Variants in AGO3 observed in about 807,000 individuals in gnomAD.
AGO3 encodes protein argonaute-3.
AGO3 carries 16 observed loss-of-function variants against 105.5 expected under a neutral mutation model. The observed-to-expected ratio is 0.15, with a 90% CI of 0.10 to 0.23. The LOEUF is 0.23. Ranked by LOEUF, AGO3 falls within the 10% of genes least tolerant of loss-of-function variation. The pLI, the probability that AGO3 is intolerant of heterozygous loss-of-function variation, is 1.00. For synonymous variants in AGO3, 340 were observed against 367.3 expected (o/e 0.93, Z 0.85); for missense variants, 534 against 1,088.0 (o/e 0.49, Z 7.16).
chr1:35,989,197 G>T (rs1647385065), intron 5 of AGO3, among the ~76,000 whole-genome samples: 1 of 152,188 alleles, frequency 6.6e-6, no homozygotes, highest in South Asian at 2.1e-4. Context: ...AGGCGAAATT[G>T]GTGATGGAAA....
intron 11 of AGO3, among the ~76,000 whole-genome samples, chr1:36,023,694 T>C (rs1221916554): frequency 6.6e-6 from 1 of 152,232 alleles, no homozygotes; most frequent in Non-Finnish European, 1.5e-5. Flanking sequence ...CCATTCACTA[T>C]GTACAGAGAA....
rs1370088026 is a variant in AGO3 at position 36,072,323 on chromosome 1, G to A, written c.*16578G>A. 6.6e-6 allele frequency: 1 copy of A among 152,198 alleles called. No individual in the cohort carries two copies. The highest frequency in any genetic ancestry group is 1.5e-5 in the Non-Finnish European group (1 of 68,026). The allele number at this position is 152,198 out of a possible 1,614,324, so 9.4% of individuals were successfully genotyped here. On this transcript the variant is annotated 3_prime_UTR_variant, in exon 19 of 19. Coordinates refer to ENST00000373191, the MANE Select transcript of AGO3 (RefSeq NM_024852.4). ...TTTCTGAGCCAAACTGTCACGAAAT[G>A]TTCTGTGACAGAACCACTACTCTTT...
At chr1:36,025,487 G>T (rs1465210458) in intron 11 of AGO3, among the ~76,000 whole-genome samples, 1 of 150,016 alleles carries the variant, frequency 6.7e-6, no homozygotes, top group Non-Finnish European at 1.5e-5. Flanking sequence ...TTTGTTATTC[G>T]CAGCTTGAAT....
At chr1:35,999,306 C>T (rs1394335209) in intron 5 of AGO3, among the ~76,000 whole-genome samples, 3 of 152,116 alleles carry the variant, frequency 2.0e-5, no homozygotes, top group Non-Finnish European at 2.9e-5. Context: ...CGCCACTGCA[C>T]TCCAGCAGCC....
At chr1:36,035,862 C>T (rs1026153542) in intron 13 of AGO3, among the ~76,000 whole-genome samples, 10 of 152,004 alleles carry the variant, frequency 6.6e-5, no homozygotes, top group Admixed American at 2.0e-4. Context: ...GAAACCCCAT[C>T]TCTACTAAAA....
intron 13 of AGO3, among the ~76,000 whole-genome samples, chr1:36,034,842 A>T (rs901176103): frequency 1.3e-5 from 2 of 152,208 alleles, no homozygotes; most frequent in Non-Finnish European, 2.9e-5. Flanking sequence ...TAAGTAAGCC[A>T]TATCAGCCTT....
chr1:35,944,745 C>T (rs1557643925), intron 1 of AGO3, among the ~76,000 whole-genome samples: 1 of 151,970 alleles, frequency 6.6e-6, no homozygotes, highest in Non-Finnish European at 1.5e-5. Flanking sequence ...CTCAGGTGAT[C>T]TGCCCGCTTT....
chr1:36,027,778 C>CA lies in AGO3; in HGVS notation c.1591+495dup, dbSNP rs529893386. Among the ~76,000 whole-genome samples, 447 of 66,434 alleles carry CA rather than the reference C, an allele frequency of 6.7e-3. 2 individuals carry two copies. The highest frequency in any genetic ancestry group is 7.8e-3 in the Admixed American group (44 of 5,672). The allele number at this position is 66,434 out of a possible 152,430, so 43.6% of individuals were successfully genotyped here. On this transcript the variant is annotated intron_variant, in intron 12 of 18. Coordinates refer to ENST00000373191, the MANE Select transcript of AGO3 (RefSeq NM_024852.4). This position sits in a 1 kb window ranked among gnomAD's most constrained non-coding sequence, Gnocchi z 4.0. ...TGGGCGACAGAGCGAAAGTCCGTCTCAAAAAAAAAAAAAAAGGGTTTCAGT... is the reference window on the plus strand; with the variant it reads ...TGGGCGACAGAGCGAAAGTCCGTCTCAAAAAAAAAAAAAAAAGGGTTTCAGT...
chr1:35,957,112 G>A (rs892089018), intron 2 of AGO3, among the ~76,000 whole-genome samples: 1 of 152,066 alleles, frequency 6.6e-6, no homozygotes, highest in Admixed American at 6.6e-5. Flanking sequence ...CCCTTTGGGA[G>A]GCCAAGGTGG....
At chr1:36,016,780 A>T (rs1041047036) in intron 11 of AGO3, among the ~76,000 whole-genome samples, 3 of 152,180 alleles carry the variant, frequency 2.0e-5, no homozygotes, top group Non-Finnish European at 2.9e-5. Context: ...TCCTGTTTTC[A>T]GGAGAAAAAC....
chr1:36,055,204 T>C lies in AGO3; in HGVS notation c.2474+59T>C. On this transcript the variant is annotated intron_variant, in intron 18 of 18. Coordinates refer to ENST00000373191, the MANE Select transcript of AGO3 (RefSeq NM_024852.4). The surrounding 1 kb of genome is among the most constrained non-coding windows in gnomAD (Gnocchi z 4.4). ...TCCCAATATTGTCTGCATGGTAGGA[T>C]TTTCAAGTTCCACAAGCTATTAGCG... 1 of 1,523,540 alleles carries C rather than the reference T, an allele frequency of 6.6e-7. No homozygotes were observed. Among genetic ancestry groups the C allele is most frequent in the Admixed American group, 2.0e-5 (1 of 50,880 alleles). 94.4% of individuals were successfully genotyped at this position (1,523,540 alleles called of 1,614,324 possible).
At chr1:36,022,933 CAAAAAAAAAAACA>C (rs767512528) in intron 11 of AGO3, among the ~76,000 whole-genome samples, 5 of 25,362 alleles carry the variant, frequency 2.0e-4, no homozygotes, top group African/African-American at 3.0e-4. Context: ...AAAAAAAAAA[CAAAAAAAAAAACA>C]AAAAAAAAAG....
chr1:35,956,823 T>A (rs1167647828), intron 2 of AGO3, among the ~76,000 whole-genome samples: 2 of 151,694 alleles, frequency 1.3e-5, no homozygotes, highest in African/African-American at 4.8e-5. Flanking sequence ...TTTTTTTGTA[T>A]TTTTAGTAGA....
At chr1:35,955,077 G>C (rs1646540049) in intron 2 of AGO3, among the ~76,000 whole-genome samples, 3 of 152,220 alleles carry the variant, frequency 2.0e-5, no homozygotes, top group Non-Finnish European at 4.4e-5. Context: ...AGTCTGAAGA[G>C]TTAGCTAGGG....
At chr1:35,976,036 A>G (rs1356966099) in intron 5 of AGO3, among the ~76,000 whole-genome samples, 2 of 151,860 alleles carry the variant, frequency 1.3e-5, no homozygotes, top group Non-Finnish European at 2.9e-5. Context: ...CCCAGGTTCA[A>G]GCAATTCTCA....
At chr1:35,955,876 T>G (rs1007376450) in intron 2 of AGO3, among the ~76,000 whole-genome samples, 1 of 152,208 alleles carries the variant, frequency 6.6e-6, no homozygotes, top group Non-Finnish European at 1.5e-5. Flanking sequence ...ATTACAGGCG[T>G]GAGCCACTGT....
chr1:35,973,536 G>A (rs756414637), intron 5 of AGO3, 25 bp downstream of exon 5: 10 of 1,473,040 alleles, frequency 6.8e-6, no homozygotes, highest in Non-Finnish European at 9.1e-6. Context: ...GCCATATTCT[G>A]TATTGGGTGG....
At chr1:36,047,839 A>G (rs1204892438) in intron 17 of AGO3, among the ~76,000 whole-genome samples, 1 of 152,016 alleles carries the variant, frequency 6.6e-6, no homozygotes, top group Non-Finnish European at 1.5e-5. Context: ...AGATCACACC[A>G]CTACACTCTA....
intron 5 of AGO3, among the ~76,000 whole-genome samples, chr1:35,982,432 G>T (rs564451429): frequency 5.9e-5 from 9 of 151,998 alleles, no homozygotes; most frequent in Non-Finnish European, 1.3e-4. Flanking sequence ...AAAGAAAAAA[G>T]CATCAGTGAC....
Sources: allele counts gnomAD v4.1 joint callset (sites outside exome capture counted in the v4.1 genomes callset), GRCh38; gene constraint gnomAD v4.1.1; non-coding constraint Gnocchi (gnomAD v3.1); transcripts MANE v1.5; gene names NCBI Gene and HGNC (gene_info 2026-07-23, HGNC 2026-07-21).